Variants in LYPLAL1 observed in about 807,000 individuals in gnomAD.
LYPLAL1 encodes the protein lysophospholipase like 1, also known as lysophospholipase-like protein 1.
LYPLAL1 carries 23 observed loss-of-function variants against 19.7 expected under a neutral mutation model. That is an observed-to-expected ratio of 1.17 (90% CI 0.84 to 1.65). The LOEUF is 1.65. Among genes scored for constraint, LYPLAL1 ranks in the 40% most tolerant of loss-of-function variants. The pLI is 0.00. For synonymous variants in LYPLAL1, 119 were observed against 96.3 expected (o/e 1.24, Z -1.38); for missense variants, 355 against 279.4 (o/e 1.27, Z -1.93).
the LYPLAL1 span, among the ~76,000 whole-genome samples, chr1:219,300,726 G>A: frequency 2.6e-5 from 4 of 151,456 alleles, no homozygotes; most frequent in Admixed American, 1.3e-4. Context: ...TAGTAGAGAC[G>A]GGGTTTCACT....
chr1:219,245,533 C>A, the LYPLAL1 span, among the ~76,000 whole-genome samples: 2 of 152,130 alleles, frequency 1.3e-5, no homozygotes, highest in African/African-American at 4.8e-5. Context: ...TGTGAACTTA[C>A]ATTTAACTGC....
chr1:219,378,478 C>A, the LYPLAL1 span, among the ~76,000 whole-genome samples: 4 of 152,066 alleles, frequency 2.6e-5, no homozygotes, highest in Admixed American at 6.6e-5. Context: ...ATGGGAACTA[C>A]AATTCAAGAT....
chr1:219,285,965 C>CAGAGAT, the LYPLAL1 span, among the ~76,000 whole-genome samples: 12 of 152,038 alleles, frequency 7.9e-5, no homozygotes, highest in Admixed American at 2.0e-4. Context: ...AAATTAGAGA[C>CAGAGAT]AGAGATAGAG....
chr1:219,394,482 TC>T, the LYPLAL1 span, among the ~76,000 whole-genome samples: 2 of 152,172 alleles, frequency 1.3e-5, no homozygotes, highest in African/African-American at 4.8e-5. Flanking sequence ...AAACCAGAAC[TC>T]CCCATCACCC....
At chr1:219,348,083 A>C in the LYPLAL1 span, among the ~76,000 whole-genome samples, 2 of 152,232 alleles carry the variant, frequency 1.3e-5, no homozygotes, top group South Asian at 2.1e-4. Context: ...AGCACTGCTA[A>C]CCTGGCCAAG....
At chr1:219,249,598 T>C in the LYPLAL1 span, among the ~76,000 whole-genome samples, 1 of 152,036 alleles carries the variant, frequency 6.6e-6, no homozygotes. Context: ...TACAATAAAA[T>C]ATCAAATTAT....
chr1:219,218,193 A>T, the LYPLAL1 span, among the ~76,000 whole-genome samples: 4 of 152,120 alleles, frequency 2.6e-5, no homozygotes, highest in Non-Finnish European at 5.9e-5. Context: ...CTGAGAACAA[A>T]ATAGGAGGCA....
chr1:219,367,567 C>A, the LYPLAL1 span, among the ~76,000 whole-genome samples: 1 of 151,822 alleles, frequency 6.6e-6, no homozygotes, highest in Non-Finnish European at 1.5e-5. Context: ...TAAACACACT[C>A]TTTGAGGCCA....
chr1:219,320,137 C>A, the LYPLAL1 span, among the ~76,000 whole-genome samples: 1 of 152,130 alleles, frequency 6.6e-6, no homozygotes, highest in Non-Finnish European at 1.5e-5. Flanking sequence ...AGTAGGTAAG[C>A]GTTTATAATT....
the LYPLAL1 span, among the ~76,000 whole-genome samples, chr1:219,298,131 G>A: frequency 2.0e-5 from 3 of 152,144 alleles, no homozygotes; most frequent in Non-Finnish European, 2.9e-5. Context: ...GTAACATGGC[G>A]AAACCTCATC....
chr1:219,238,645 G>A, the LYPLAL1 span, among the ~76,000 whole-genome samples: 1 of 152,036 alleles, frequency 6.6e-6, no homozygotes, highest in African/African-American at 2.4e-5. Flanking sequence ...TGGAACCACT[G>A]CAGACTTTGT....
the LYPLAL1 span, among the ~76,000 whole-genome samples, chr1:219,361,696 C>T: frequency 6.6e-6 from 1 of 152,024 alleles, no homozygotes; most frequent in Admixed American, 6.6e-5. Context: ...GGAAAAGTTG[C>T]TTTTCAAATA....
the LYPLAL1 span, among the ~76,000 whole-genome samples, chr1:219,298,296 T>G: frequency 6.6e-6 from 1 of 152,084 alleles, no homozygotes; most frequent in African/African-American, 2.4e-5. Context: ...GGTGCTGGAG[T>G]AAGACCCTGT....
At chr1:219,421,631 T>A in the LYPLAL1 span, among the ~76,000 whole-genome samples, 14 of 152,120 alleles carry the variant, frequency 9.2e-5, no homozygotes, top group Non-Finnish European at 1.8e-4. Context: ...CTCAAAGCCA[T>A]TGAAAAACAT....
At chr1:219,282,881 G>T in the LYPLAL1 span, among the ~76,000 whole-genome samples, 1 of 152,118 alleles carries the variant, frequency 6.6e-6, no homozygotes, top group Non-Finnish European at 1.5e-5. Context: ...GAAGGTTCAT[G>T]ATTACAGCAG....
downstream of LYPLAL1, among the ~76,000 whole-genome samples, chr1:219,216,784 C>T (rs537632204): frequency 8.6e-4 from 131 of 152,170 alleles, no homozygotes; most frequent in African/African-American, 3.0e-3. Flanking sequence ...CCTCATGGCC[C>T]CAGCTAGATC....
At chr1:219,263,232 A>G in the LYPLAL1 span, among the ~76,000 whole-genome samples, 1 of 152,112 alleles carries the variant, frequency 6.6e-6, no homozygotes, top group African/African-American at 2.4e-5. Context: ...AAGGGGGATT[A>G]TGGCTGCTTC....
the LYPLAL1 span, among the ~76,000 whole-genome samples, chr1:219,419,704 G>T: frequency 6.6e-6 from 1 of 152,050 alleles, no homozygotes; most frequent in South Asian, 2.1e-4. Context: ...GAGGCTGGGC[G>T]GTGTTCTCTC....
At chr1:219,187,055 T>G (rs914486690) in intron 2 of LYPLAL1, among the ~76,000 whole-genome samples, 2 of 151,582 alleles carry the variant, frequency 1.3e-5, no homozygotes, top group African/African-American at 4.8e-5. Context: ...TCCTTGTAAC[T>G]ATATAGGTCC....
Sources: gnomAD v4.1 joint callset for allele counts (sites outside exome capture counted in the v4.1 genomes callset) on GRCh38, gnomAD v4.1.1 for gene constraint, MANE v1.5 for transcripts, NCBI Gene and HGNC (gene_info 2026-07-23, HGNC 2026-07-21) for gene names.